The following ASMT variants were observed in gnomAD, a reference collection of about 807,000 sequenced individuals.
ASMT encodes the protein acetylserotonin O-methyltransferase.
In ASMT, 53 loss-of-function variants were observed where a neutral mutation model predicts 41.3. The observed-to-expected ratio is 1.28, with a 90% CI of 1.03 to 1.61. The LOEUF (loss-of-function observed/expected upper bound fraction) is 1.61. Among genes scored for constraint, ASMT ranks in the 40% most tolerant of loss-of-function variants. The probability of loss-of-function intolerance (pLI) is 0.00; values close to 1 mark genes in which losing one functional copy is unlikely to be tolerated. For synonymous variants in ASMT, 231 were observed against 184.8 expected, an observed-to-expected ratio of 1.25 and a Z score of -2.03; for missense variants, 531 against 441.3, an observed-to-expected ratio of 1.20 and a Z score of -1.82.
intron 1 of ASMT, among the ~76,000 whole-genome samples, chrX:1,616,845 A>G (rs1386308488): frequency 1.3e-5 from 2 of 151,204 alleles, no homozygotes; most frequent in East Asian, 3.9e-4. Flanking sequence ...AGTAGCTGGG[A>G]TTACAGGCAC....
At position 1,642,389 on chromosome X, in the gene ASMT, A is replaced by G. The variant is rs770261619; in HGVS notation, c.911-414A>G. Among the ~76,000 whole-genome samples, 109 of 149,202 alleles carry G rather than the reference A, an allele frequency of 7.3e-4. 1 individual carries two copies. The highest frequency in any genetic ancestry group is 2.7e-3 in the African/African-American group (107 of 40,344). Reference sequence around the variant, plus strand: ...AGTGTCCCAGTGTCCTGTGAGGTCCACCCATCCTGATGGTTCATGAGGACG... The same window carrying G: ...AGTGTCCCAGTGTCCTGTGAGGTCCGCCCATCCTGATGGTTCATGAGGACG... On this transcript the variant is annotated intron_variant, in intron 8 of 8. Coordinates refer to ENST00000381241, the MANE Select transcript of ASMT (RefSeq NM_001171038.2).
rs765542763 is a variant in ASMT, at chrX:1,619,166, C to T, written c.69+3898C>T. Among the ~76,000 whole-genome samples the T allele has an allele frequency of 1.7e-4, 26 of 152,028 alleles. No individual in the cohort carries two copies. In the South Asian group the frequency reaches 3.1e-3, roughly 18 times the overall value. On this transcript the variant is annotated intron_variant, in intron 1 of 8. Transcript: ENST00000381241. ...ATCCCAGCACTTTGGGAGGCCGAGG[C>T]GGGCGGATCACAAGGTCAGGAGTTC...
intron 8 of ASMT, among the ~76,000 whole-genome samples, chrX:1,637,123 C>T (rs1271716847): frequency 8.7e-5 from 10 of 115,374 alleles, no homozygotes; most frequent in African/African-American, 1.0e-4. Context: ...GAGGTCCACC[C>T]ATCCTGATGC....
At chrX:1,633,056 G>A in intron 6 of ASMT, 94 bp from the exon 7 acceptor site, 2 of 1,477,722 alleles carry the variant, frequency 1.4e-6, no homozygotes, top group Middle Eastern at 1.8e-4. Context: ...CCAAGTTCCT[G>A]GGTTGGACCC....
At chrX:1,635,539 C>G (rs148279279) in intron 7 of ASMT, among the ~76,000 whole-genome samples, 1,845 of 152,120 alleles carry the variant, frequency 0.012, 39 homozygotes, top group African/African-American at 0.042. Context: ...AGCAGCAGTG[C>G]TTTTGCAGGG....
intron 3 of ASMT, 134 bp from the exon 4 acceptor site, chrX:1,627,569 C>T (rs778954266): frequency 4.4e-5 from 41 of 929,738 alleles, no homozygotes; most frequent in Admixed American, 1.2e-4. Context: ...TGCAGTGAGC[C>T]GAGATCGTGC....
intron 1 of ASMT, among the ~76,000 whole-genome samples, chrX:1,618,065 G>A (rs181999047): frequency 2.6e-4 from 40 of 152,192 alleles, no homozygotes; most frequent in African/African-American, 7.2e-4. Flanking sequence ...AGCGGCCTCC[G>A]CCTACGGGGT....
intron 1 of ASMT, among the ~76,000 whole-genome samples, chrX:1,621,442 C>G (rs1355527269): frequency 6.6e-6 from 1 of 151,840 alleles, no homozygotes; most frequent in African/African-American, 2.4e-5. Context: ...CTCACCCTCC[C>G]CAGTAGCTGG....
chrX:1,615,887 A>C (rs1934077543), intron 1 of ASMT, among the ~76,000 whole-genome samples: 1 of 152,184 alleles, frequency 6.6e-6, no homozygotes, highest in African/African-American at 2.4e-5. Context: ...ATGTTTATTG[A>C]ACTGCAAGTG....
intron 8 of ASMT, among the ~76,000 whole-genome samples, chrX:1,641,946 G>C (rs1333673682): frequency 6.8e-6 from 1 of 146,924 alleles, no homozygotes; most frequent in Non-Finnish European, 1.5e-5. Context: ...TGTGTGATGG[G>C]GACAGTGTCC....
intron 7 of ASMT, among the ~76,000 whole-genome samples, chrX:1,635,451 G>T (rs1421244857): frequency 6.6e-6 from 1 of 152,114 alleles, no homozygotes; most frequent in Non-Finnish European, 1.5e-5. Flanking sequence ...TTGACTGTAG[G>T]TTCAGTTCAG....
At chrX:1,642,576 G>A (rs1421532272) in intron 8 of ASMT, among the ~76,000 whole-genome samples, 1 of 151,666 alleles carries the variant, frequency 6.6e-6, no homozygotes. Flanking sequence ...GGTTCATGAG[G>A]ACATGGGCAC....
At chrX:1,635,772 G>C (rs1409724740) in intron 7 of ASMT, among the ~76,000 whole-genome samples, 2 of 151,872 alleles carry the variant, frequency 1.3e-5, no homozygotes, top group African/African-American at 4.8e-5. Flanking sequence ...TGAGGCAGGA[G>C]AATCGCTTGA....
chrX:1,642,660 C>T (rs781584091), intron 8 of ASMT, 143 bp from the exon 9 acceptor site: 27 of 748,756 alleles, frequency 3.6e-5, no homozygotes, highest in African/African-American at 1.2e-4. Context: ...TCGATGAGGA[C>T]GTGGGCACAG....
intron 8 of ASMT, 80 bp downstream of exon 8, chrX:1,636,640 C>A: frequency 6.2e-7 from 1 of 1,608,186 alleles, no homozygotes; most frequent in African/African-American, 1.3e-5. Flanking sequence ...AAGGCAGGCA[C>A]TGAAATCATC....
chrX:1,632,191 T>C (rs1294169676), intron 5 of ASMT, among the ~76,000 whole-genome samples: 2 of 152,158 alleles, frequency 1.3e-5, no homozygotes, highest in African/African-American at 2.4e-5. Flanking sequence ...TTCTCTTAGC[T>C]GTTGGCCGCC....
chrX:1,635,231 C>T (rs754514257), intron 7 of ASMT, among the ~76,000 whole-genome samples: 25 of 147,208 alleles, frequency 1.7e-4, no homozygotes, highest in Admixed American at 1.3e-3. Flanking sequence ...TGATCTGCCC[C>T]GCTCAGACTC....
At chrX:1,630,552 G>T (rs750557789) in intron 5 of ASMT, among the ~76,000 whole-genome samples, 4 of 151,778 alleles carry the variant, frequency 2.6e-5, no homozygotes, top group African/African-American at 9.7e-5. Context: ...TGATCCACCC[G>T]CCTCGGTCTT....
chrX:1,636,928 A>T lies in ASMT; in HGVS notation c.910+368A>T, dbSNP rs745466044. Among the ~76,000 whole-genome samples, 98 of 96,032 alleles carry T rather than the reference A, an allele frequency of 1.0e-3. 1 individual carries two copies. Among genetic ancestry groups the T allele is most frequent in the Non-Finnish European group, 1.6e-3 (74 of 44,990 alleles). 63.0% of individuals were successfully genotyped at this position (96,032 alleles called of 152,430 possible). ...GGCACAGCCTCTGTGTGTGATGGGG[A>T]CAGTGTCCCAGCTCTCCTGTGAGGT... On this transcript the variant is annotated intron_variant, in intron 8 of 8. Coordinates refer to ENST00000381241, the MANE Select transcript of ASMT (RefSeq NM_001171038.2).
Sources: allele counts gnomAD v4.1 joint callset (sites outside exome capture counted in the v4.1 genomes callset), GRCh38; gene constraint gnomAD v4.1.1; transcripts MANE v1.5; gene names NCBI Gene and HGNC (gene_info 2026-07-23, HGNC 2026-07-21).